The following SCHIP1 variants were observed in gnomAD, a reference collection of about 807,000 sequenced individuals.
SCHIP1 encodes schwannomin-interacting protein 1.
In SCHIP1, 8 loss-of-function variants were observed where a neutral mutation model predicts 29.7. The observed-to-expected ratio is 0.27, with a 90% CI of 0.16 to 0.49. SCHIP1 has a LOEUF of 0.49. Ranked by LOEUF, SCHIP1 falls within the 20% of genes least tolerant of loss-of-function variation. SCHIP1 has a pLI of 0.99. For missense variants in SCHIP1, 193 were observed against 294.6 expected, an observed-to-expected ratio of 0.66 and a Z score of 2.52; for synonymous variants, 76 against 94.9, an observed-to-expected ratio of 0.80 and a Z score of 1.16.
the SCHIP1 span, among the ~76,000 whole-genome samples, chr3:159,560,845 A>T: frequency 1.3e-5 from 2 of 152,190 alleles, no homozygotes; most frequent in Admixed American, 1.3e-4. Flanking sequence ...GAGCAGATGG[A>T]AGTAGAATTC....
chr3:159,729,767 A>G, the SCHIP1 span, among the ~76,000 whole-genome samples: 1 of 152,212 alleles, frequency 6.6e-6, no homozygotes, highest in African/African-American at 2.4e-5. Flanking sequence ...TAGCAACAAA[A>G]ATAAGATTTC....
At chr3:159,366,079 G>A in the SCHIP1 span, among the ~76,000 whole-genome samples, 1 of 152,170 alleles carries the variant, frequency 6.6e-6, no homozygotes, top group Admixed American at 6.5e-5. Context: ...GCATGGTGCT[G>A]GCATCTGCTT....
the SCHIP1 span, among the ~76,000 whole-genome samples, chr3:159,469,583 G>T: frequency 6.6e-6 from 1 of 152,148 alleles, no homozygotes; most frequent in Non-Finnish European, 1.5e-5. Flanking sequence ...TGCAGGAGCA[G>T]GCGGGCCTTG....
the SCHIP1 span, among the ~76,000 whole-genome samples, chr3:159,534,651 C>T: frequency 6.6e-6 from 1 of 152,122 alleles, no homozygotes; most frequent in Admixed American, 6.5e-5. Context: ...GACTTCCTGA[C>T]ACGTTCCACT....
the SCHIP1 span, among the ~76,000 whole-genome samples, chr3:159,704,136 A>G: frequency 3.3e-5 from 5 of 152,146 alleles, no homozygotes; most frequent in African/African-American, 1.2e-4. Context: ...GAATATATCC[A>G]TACTAAAATT....
At chr3:159,628,197 G>A in the SCHIP1 span, among the ~76,000 whole-genome samples, 1 of 145,868 alleles carries the variant, frequency 6.9e-6, no homozygotes, top group Admixed American at 6.8e-5. Flanking sequence ...AAGCACTCAG[G>A]GACTTACACT....
At chr3:159,804,784 A>C in the SCHIP1 span, among the ~76,000 whole-genome samples, 2 of 152,172 alleles carry the variant, frequency 1.3e-5, no homozygotes, top group African/African-American at 4.8e-5. Flanking sequence ...TCATTGGCCC[A>C]ATGGGGCATC....
At chr3:159,380,918 A>G in the SCHIP1 span, among the ~76,000 whole-genome samples, 2 of 152,216 alleles carry the variant, frequency 1.3e-5, no homozygotes, top group Admixed American at 6.5e-5. Context: ...CGTGTTGTAT[A>G]TGGAAAAACA....
the SCHIP1 span, among the ~76,000 whole-genome samples, chr3:159,785,348 A>G: frequency 6.6e-6 from 1 of 152,252 alleles, no homozygotes; most frequent in Non-Finnish European, 1.5e-5. Flanking sequence ...TCAATTTGAT[A>G]GTTTTTCTAA....
chr3:159,693,904 G>A, the SCHIP1 span, among the ~76,000 whole-genome samples: 10 of 152,272 alleles, frequency 6.6e-5, no homozygotes, highest in South Asian at 1.5e-3. Flanking sequence ...CTGAGTGTAC[G>A]TGTGTCGTGA....
chr3:159,578,067 G>C, the SCHIP1 span, among the ~76,000 whole-genome samples: 1 of 152,070 alleles, frequency 6.6e-6, no homozygotes, highest in African/African-American at 2.4e-5. Context: ...ACCCGGTTTT[G>C]GGGGGGTGGA....
At chr3:159,302,345 G>A in the SCHIP1 span, among the ~76,000 whole-genome samples, 2 of 152,126 alleles carry the variant, frequency 1.3e-5, no homozygotes, top group African/African-American at 4.8e-5. Flanking sequence ...TTGTAATCTA[G>A]TAGTTTTCTA....
At chr3:159,793,551 G>C in the SCHIP1 span, among the ~76,000 whole-genome samples, 2 of 152,274 alleles carry the variant, frequency 1.3e-5, no homozygotes, top group South Asian at 4.1e-4. Context: ...TGGCAAGGCT[G>C]ATTCCTTCTG....
chr3:159,635,516 C>A, the SCHIP1 span, among the ~76,000 whole-genome samples: 1 of 152,144 alleles, frequency 6.6e-6, no homozygotes. Context: ...TATAATATAG[C>A]TTCTTCTTCC....
At chr3:159,515,807 A>G in the SCHIP1 span, among the ~76,000 whole-genome samples, 2 of 152,230 alleles carry the variant, frequency 1.3e-5, no homozygotes, top group African/African-American at 4.8e-5. Context: ...TATTGAACAC[A>G]TACTGTGTAG....
chr3:159,325,487 A>G, the SCHIP1 span, among the ~76,000 whole-genome samples: 1 of 152,126 alleles, frequency 6.6e-6, no homozygotes, highest in Non-Finnish European at 1.5e-5. Flanking sequence ...CCAGTCTGGG[A>G]AAGTTGGCTT....
At chr3:159,651,241 C>T in the SCHIP1 span, among the ~76,000 whole-genome samples, 2 of 152,130 alleles carry the variant, frequency 1.3e-5, no homozygotes, top group Admixed American at 1.3e-4. Context: ...GGAAGCAAAA[C>T]TTATGAATTT....
chr3:159,626,150 A>C, the SCHIP1 span, among the ~76,000 whole-genome samples: 1,526 of 119,088 alleles, frequency 0.013, 133 homozygotes, highest in African/African-American at 0.072. Flanking sequence ...ATATCTAGAT[A>C]TATATATATA....
chr3:159,857,359 G>C (rs1157745239), intron 1 of SCHIP1, among the ~76,000 whole-genome samples: 2 of 151,892 alleles, frequency 1.3e-5, no homozygotes, highest in Admixed American at 6.6e-5. Context: ...CTCTCTACTT[G>C]GTCTCTTTCC....
Sources: gnomAD v4.1 joint callset for allele counts (sites outside exome capture counted in the v4.1 genomes callset) on GRCh38, gnomAD v4.1.1 for gene constraint, MANE v1.5 for transcripts, NCBI Gene and HGNC (gene_info 2026-07-23, HGNC 2026-07-21) for gene names.